FHIT: variants seen among roughly 807,000 people sequenced by gnomAD.
FHIT encodes the protein fragile histidine triad diadenosine triphosphatase.
A neutral mutation model predicts 17.9 loss-of-function variants in FHIT; 19 were observed. The ratio of observed to expected loss-of-function variants is 1.06; its 90% CI spans 0.74 to 1.56. The LOEUF (loss-of-function observed/expected upper bound fraction) is 1.56, where lower values mean the gene tolerates loss of function less well. Ranked by LOEUF, FHIT falls within the 40% of genes most tolerant of loss-of-function variation. The pLI, the probability that FHIT is intolerant of heterozygous loss-of-function variation, is 0.00. For synonymous variants in FHIT, 81 were observed against 69.7 expected (o/e 1.16, Z -0.81); for missense variants, 248 against 189.2 (o/e 1.31, Z -1.82).
intron 3 of FHIT, among the ~76,000 whole-genome samples, chr3:60,826,594 G>A (rs1019896178): frequency 3.3e-5 from 5 of 152,188 alleles, no homozygotes; most frequent in Admixed American, 6.5e-5. Context: ...AATAATCAGC[G>A]TGACCATTGG....
chr3:60,923,578 T>A (rs1707403737), intron 3 of FHIT, among the ~76,000 whole-genome samples: 1 of 152,122 alleles, frequency 6.6e-6, no homozygotes, highest in Admixed American at 6.5e-5. Flanking sequence ...ATTCACGAGG[T>A]GGAGCCAAGA....
chr3:60,985,024 G>C (rs1248747025), intron 3 of FHIT, among the ~76,000 whole-genome samples: 2 of 152,106 alleles, frequency 1.3e-5, no homozygotes, highest in African/African-American at 4.8e-5. Flanking sequence ...TGAGAATCTA[G>C]AGTTTGCCTT....
chr3:60,708,214 A>G (rs782616386), intron 4 of FHIT, among the ~76,000 whole-genome samples: 9 of 152,226 alleles, frequency 5.9e-5, no homozygotes, highest in East Asian at 1.9e-4. Flanking sequence ...ATCATTTACT[A>G]GGAGAAAGAT....
chr3:61,186,878 T>C (rs1330606798), intron 2 of FHIT, among the ~76,000 whole-genome samples: 3 of 152,214 alleles, frequency 2.0e-5, no homozygotes, highest in Non-Finnish European at 4.4e-5. Flanking sequence ...GTCCTTCTTT[T>C]CAGATCTTAA....
chr3:59,925,412 G>A (rs1232241797), intron 7 of FHIT, among the ~76,000 whole-genome samples: 1 of 152,128 alleles, frequency 6.6e-6, no homozygotes, highest in Non-Finnish European at 1.5e-5. Flanking sequence ...AGTATGTGGA[G>A]ACATCTTTCT....
chr3:61,142,550 A>C (rs950853719), intron 2 of FHIT, among the ~76,000 whole-genome samples: 1 of 152,230 alleles, frequency 6.6e-6, no homozygotes, highest in African/African-American at 2.4e-5. Flanking sequence ...GCTCCAGCTC[A>C]TGTCTAAAAT....
At chr3:59,945,325 T>C (rs538272379) in intron 7 of FHIT, among the ~76,000 whole-genome samples, 1 of 152,352 alleles carries the variant, frequency 6.6e-6, no homozygotes, top group East Asian at 1.9e-4. Flanking sequence ...ATGTCTTCTT[T>C]TGAGAAGTAT....
chr3:61,160,694 A>C (rs2037662869), intron 2 of FHIT, among the ~76,000 whole-genome samples: 1 of 152,220 alleles, frequency 6.6e-6, no homozygotes, highest in Non-Finnish European at 1.5e-5. Context: ...CTGTGGCTTT[A>C]AATTGGGTTA....
At chr3:60,459,888 A>G (rs6810051) in intron 5 of FHIT, among the ~76,000 whole-genome samples, 76,634 of 151,636 alleles carry the variant, frequency 0.51, 21,769 homozygotes, top group African/African-American at 0.76. Context: ...TGGGGAGGTG[A>G]GCAGGGCAAT....
chr3:60,309,996 G>A (rs137921600), intron 5 of FHIT, among the ~76,000 whole-genome samples: 7 of 152,232 alleles, frequency 4.6e-5, no homozygotes, highest in East Asian at 1.9e-4. Context: ...ACAAGGACAC[G>A]TCTTCACAGG....
At chr3:60,727,959 A>G (rs1022731533) in intron 4 of FHIT, among the ~76,000 whole-genome samples, 5 of 152,164 alleles carry the variant, frequency 3.3e-5, no homozygotes, top group Non-Finnish European at 5.9e-5. Context: ...AGCCGAGATC[A>G]CGCCACCGCA....
chr3:60,170,445 T>A (rs992231832), intron 5 of FHIT, among the ~76,000 whole-genome samples: 1 of 152,208 alleles, frequency 6.6e-6, no homozygotes, highest in Non-Finnish European at 1.5e-5. Flanking sequence ...CACTTGCAAC[T>A]GATAATCCAT....
intron 2 of FHIT, among the ~76,000 whole-genome samples, chr3:61,197,175 A>G (rs1403614005): frequency 6.6e-6 from 1 of 152,198 alleles, no homozygotes; most frequent in East Asian, 1.9e-4. Context: ...TGATAGTAAT[A>G]AACTGATGTT....
chr3:60,050,055 CCATT>C (rs1354269380), intron 5 of FHIT, among the ~76,000 whole-genome samples: 1 of 152,094 alleles, frequency 6.6e-6, no homozygotes, highest in Admixed American at 6.6e-5. Context: ...TACATATTAG[CCATT>C]CAAAGTTCCC....
intron 3 of FHIT, among the ~76,000 whole-genome samples, chr3:60,826,196 AGGAAGGAAGGAAGGAAAG>A (rs1702114900): frequency 6.9e-6 from 1 of 145,944 alleles, no homozygotes; most frequent in East Asian, 2.0e-4. Flanking sequence ...GAAGGAAGGA[AGGAAGGAAGGAAGGAAAG>A]AAGGAAGGAA....
intron 7 of FHIT, among the ~76,000 whole-genome samples, chr3:59,984,419 G>A (rs1374528795): frequency 6.6e-6 from 1 of 152,020 alleles, no homozygotes; most frequent in Non-Finnish European, 1.5e-5. Context: ...AAGACAGCGT[G>A]GAACATGCTA....
Position 59,810,095 on chromosome 3 carries a change from T to C in FHIT, c.349-57774A>G, listed in dbSNP as rs146724409. ...ATGCTGGTCTGCTTTAGGTGCCTCTTACGGGGATTGTGAGAGGGCTCCTGG... is the reference window on the plus strand; with the variant it reads ...ATGCTGGTCTGCTTTAGGTGCCTCTCACGGGGATTGTGAGAGGGCTCCTGG... On this transcript the variant is annotated intron_variant, in intron 8 of 9. Transcript: ENST00000492590. 6.1e-3 allele frequency among the ~76,000 whole-genome samples: 927 copies of C among 152,176 alleles called. 13 individuals are homozygous for C. The highest frequency in any genetic ancestry group is 0.022 in the African/African-American group (899 of 41,510).
intron 1 of FHIT, among the ~76,000 whole-genome samples, chr3:61,236,278 T>C (rs1384182885): frequency 6.7e-6 from 1 of 148,494 alleles, no homozygotes; most frequent in Non-Finnish European, 1.5e-5. Flanking sequence ...ATAATATATA[T>C]TATGGTAATT....
At chr3:59,849,580 G>A (rs886883821) in intron 8 of FHIT, among the ~76,000 whole-genome samples, 1 of 152,082 alleles carries the variant, frequency 6.6e-6, no homozygotes, top group African/African-American at 2.4e-5. Flanking sequence ...AGACACAGAT[G>A]AAATCTGGAT....
Sources: gnomAD v4.1 joint callset for allele counts (sites outside exome capture counted in the v4.1 genomes callset) on GRCh38, gnomAD v4.1.1 for gene constraint, MANE v1.5 for transcripts, NCBI Gene and HGNC (gene_info 2026-07-23, HGNC 2026-07-21) for gene names.